The following PIAS2 variants were observed in gnomAD, a reference collection of about 807,000 sequenced individuals.
PIAS2 encodes E3 SUMO-protein ligase PIAS2.
A neutral mutation model predicts 69.7 loss-of-function variants in PIAS2; 19 were observed. The ratio of observed to expected loss-of-function variants is 0.27; its 90% CI spans 0.19 to 0.40. The LOEUF is 0.40. PIAS2 is among the 10% of genes least tolerant of loss of function. PIAS2 has a pLI of 1.00. For missense variants in PIAS2, 624 were observed against 757.0 expected (o/e 0.82, Z 2.06); for synonymous variants, 261 against 263.2 (o/e 0.99, Z 0.08).
At chr18:46,913,531 A>C (rs55752024) in intron 1 of PIAS2, among the ~76,000 whole-genome samples, 6,920 of 151,726 alleles carry the variant, frequency 0.046, 181 homozygotes, top group Non-Finnish European at 0.064. Flanking sequence ...CATGAAAAGA[A>C]GGGGATGAAG....
chr18:46,916,180 G>A (rs566983587), intron 1 of PIAS2, among the ~76,000 whole-genome samples: 3 of 152,178 alleles, frequency 2.0e-5, no homozygotes, highest in Non-Finnish European at 4.4e-5. Flanking sequence ...TCTCCGTTTA[G>A]AGCAGAGGAT....
rs1375620170 is a variant in PIAS2, at chr18:46,844,222, AC to A, written c.968-96del. ...ATATAGCATCTTAAAACAAAATGTT[AC>A]ATATTAATGTATTGACAACACGATC... On this transcript the variant is annotated intron_variant, in intron 7 of 13. Coordinates refer to ENST00000585916, the MANE Select transcript of PIAS2 (RefSeq NM_004671.5). The A allele has an allele frequency of 5.9e-6, 3 of 509,112 alleles. No homozygotes were observed. The African/African-American group carries it at 6.0e-5, about 10-fold the overall frequency. The allele number at this position is 509,112 out of a possible 1,614,324, so 31.5% of individuals were successfully genotyped here. A position where few individuals can be genotyped will look rare whatever the true frequency, so the allele number is the denominator to read the frequency against.
At position 46,855,415 on chromosome 18, in the gene PIAS2, C is replaced by A; in HGVS notation, c.656G>T (p.Ser219Ile). The A allele has an allele frequency of 1.2e-6, 2 of 1,612,672 alleles. No individual in the cohort carries two copies. The highest frequency in any genetic ancestry group is 1.7e-6 in the Non-Finnish European group (2 of 1,179,122). Residue 219 changes from serine to isoleucine, a missense_variant, in exon 5 of 14, where the codon AGT (serine) becomes ATT (isoleucine). By Grantham distance (142) the Ser-to-Ile change is moderately radical (BLOSUM62 -2). Coordinates refer to ENST00000585916, the MANE Select transcript of PIAS2 (RefSeq NM_004671.5). ...VQLRLCLAET[S>I]CPQEDNYPNS... is the part of the protein sequence containing the mutation. ...TGGATAGTTATCTTCTTGAGGGCAA[C>A]TTGTCTCTGCCAGGCAAAGTCTGCA...
chr18:46,901,989 T>C (rs1028717210), intron 1 of PIAS2, among the ~76,000 whole-genome samples: 1 of 152,154 alleles, frequency 6.6e-6, no homozygotes, highest in Non-Finnish European at 1.5e-5. Flanking sequence ...ACTATATTTG[T>C]AGATGGAATG....
At chr18:46,817,769 CAGTGA>C (rs1371171996) in intron 12 of PIAS2, 2 of 951,372 alleles carry the variant, frequency 2.1e-6, no homozygotes, top group Non-Finnish European at 2.5e-6. Flanking sequence ...CAAGTACTAA[CAGTGA>C]AGTTTGATAT....
chr18:46,914,866 G>C (rs948396458), intron 1 of PIAS2, among the ~76,000 whole-genome samples: 4 of 152,080 alleles, frequency 2.6e-5, no homozygotes, highest in Admixed American at 6.5e-5. Context: ...TAATTTACTT[G>C]AGCATCACTC....
rs1171297653 is a variant in PIAS2 at position 46,855,997 on chromosome 18, G to GTTTTTTTTTTTTTTTT, written c.585-398_585-383dup. On this transcript the variant is annotated intron_variant, in intron 3 of 13. Coordinates refer to ENST00000585916, the MANE Select transcript of PIAS2 (RefSeq NM_004671.5). ...TTGAAGACTTTTTTCTTTTTCTTTT[G>GTTTTTTTTTTTTTTTT]TTTTTTTTTTTTTTTTTTTTTTTTT... 4.4e-5 allele frequency among the ~76,000 whole-genome samples: 3 copies of GTTTTTTTTTTTTTTTT among 67,964 alleles called. 1 individual carries two copies. The highest frequency in any genetic ancestry group is 1.0e-3 in the East Asian group (2 of 1,924). 44.6% of individuals were successfully genotyped at this position (67,964 alleles called of 152,430 possible). A position where few individuals can be genotyped will look rare whatever the true frequency, so the allele number is the denominator to read the frequency against.
Position 46,811,063 on chromosome 18 carries a change from A to C in PIAS2, c.*1370T>G, listed in dbSNP as rs934684763. 3.9e-5 allele frequency: 6 copies of C among 152,316 alleles called. No homozygotes were observed. The highest frequency in any genetic ancestry group is 6.5e-5 in the Admixed American group (1 of 15,302). The allele number at this position is 152,316 out of a possible 1,614,324, so 9.4% of individuals were successfully genotyped here. ...CCAGTTTTCTCTGTGATTTAAAATC[A>C]AACAAACACACTATAGAAGAGAAAT... On this transcript the variant is annotated 3_prime_UTR_variant, in exon 14 of 14. Coordinates refer to ENST00000585916, the MANE Select transcript of PIAS2 (RefSeq NM_004671.5).
At position 46,807,374 on chromosome 18, in the gene PIAS2, TATA is replaced by T. The variant is rs1194157262; in HGVS notation, c.*5056_*5058del. 14 of 30,756 alleles carry T rather than the reference TATA, an allele frequency of 4.6e-4. No homozygotes were observed. The highest frequency in any genetic ancestry group is 1.0e-3 in the African/African-American group (5 of 4,830). 1.9% of individuals were successfully genotyped at this position (30,756 alleles called of 1,614,324 possible). On this transcript the variant is annotated 3_prime_UTR_variant, in exon 14 of 14. Coordinates refer to ENST00000585916, the MANE Select transcript of PIAS2 (RefSeq NM_004671.5). ...CAGATTTTATATATATATATATATA[TATA>T]TATATATTTTTTTTTTTTTTTTTTT...
rs1205428536 is a variant in PIAS2, at chr18:46,806,644, C to T, written c.*5789G>A. On this transcript the variant is annotated 3_prime_UTR_variant, in exon 14 of 14. Transcript: ENST00000585916. ...GTGCTGGGATTACAGGCATGAGCCA[C>T]CATGCCCAGCTTAAGAATTCTTGAT... is the stretch of plus-strand genomic sequence containing the variant. 6.6e-6 allele frequency: 1 copy of T among 152,130 alleles called. No individual in the cohort carries two copies. The highest frequency in any genetic ancestry group is 2.4e-5 in the African/African-American group (1 of 41,426). 9.4% of individuals were successfully genotyped at this position (152,130 alleles called of 1,614,324 possible).
At chr18:46,906,722 C>A (rs1429758503) in intron 1 of PIAS2, among the ~76,000 whole-genome samples, 1 of 141,824 alleles carries the variant, frequency 7.1e-6, no homozygotes, top group Non-Finnish European at 1.5e-5. Flanking sequence ...AGCTAATTTA[C>A]AGATTCAGTG....
intron 8 of PIAS2, among the ~76,000 whole-genome samples, chr18:46,843,574 G>A (rs2045735869): frequency 6.6e-6 from 1 of 152,222 alleles, no homozygotes; most frequent in African/African-American, 2.4e-5. Context: ...ACAGGAGGAT[G>A]TGAGAGTTGC....
At chr18:46,874,039 C>G (rs2050780672) in intron 2 of PIAS2, among the ~76,000 whole-genome samples, 1 of 152,166 alleles carries the variant, frequency 6.6e-6, no homozygotes, top group African/African-American at 2.4e-5. Context: ...TCAGTTGCAT[C>G]AAGAAACCCA....
At chr18:46,910,789 T>C (rs2057175166) in intron 1 of PIAS2, among the ~76,000 whole-genome samples, 1 of 152,186 alleles carries the variant, frequency 6.6e-6, no homozygotes, top group South Asian at 2.1e-4. Context: ...CCAAGTATTT[T>C]AGATTCCCAC....
chr18:46,859,170 C>T (rs1303184662), intron 3 of PIAS2, among the ~76,000 whole-genome samples: 4 of 152,046 alleles, frequency 2.6e-5, no homozygotes, highest in Non-Finnish European at 5.9e-5. Flanking sequence ...AGCTCACGCC[C>T]ATAATCCCAG....
chr18:46,860,335 G>A (rs138968540), intron 3 of PIAS2, among the ~76,000 whole-genome samples: 100 of 152,294 alleles, frequency 6.6e-4, no homozygotes, highest in Admixed American at 2.4e-3. Flanking sequence ...GCAATCATCC[G>A]AATCCAGAAT....
At chr18:46,843,066 G>A (rs912484259) in intron 8 of PIAS2, among the ~76,000 whole-genome samples, 2 of 152,112 alleles carry the variant, frequency 1.3e-5, no homozygotes, top group African/African-American at 4.8e-5. Flanking sequence ...AAAAAGAACA[G>A]GAATATCAGA....
At chr18:46,818,817 C>T (rs1357675714) in intron 12 of PIAS2, among the ~76,000 whole-genome samples, 1 of 152,074 alleles carries the variant, frequency 6.6e-6, no homozygotes, top group Non-Finnish European at 1.5e-5. Context: ...CAACCAGTAT[C>T]ACCATAACTG....
chr18:46,917,077 C>G, intron 1 of PIAS2: 1 of 988,834 alleles, frequency 1.0e-6, no homozygotes, highest in South Asian at 4.5e-5. Flanking sequence ...GTGTGCGGAC[C>G]ACTGGCAGCA....
Sources: allele counts gnomAD v4.1 joint callset (sites outside exome capture counted in the v4.1 genomes callset), GRCh38; gene constraint gnomAD v4.1.1; transcripts MANE v1.5; gene names NCBI Gene and HGNC (gene_info 2026-07-23, HGNC 2026-07-21).